Variants in MYH14 observed in about 807,000 individuals in gnomAD.
The protein encoded by MYH14 is myosin-14.
Under a neutral mutation model 255.5 loss-of-function variants are expected in MYH14, and 123 were observed. The ratio of observed to expected loss-of-function variants is 0.48; its 90% CI spans 0.42 to 0.56. MYH14 has a LOEUF of 0.56. MYH14 is among the 20% of genes least tolerant of loss of function. MYH14 has a pLI of 0.00. For missense variants in MYH14, 2,423 were observed against 2,802.3 expected (o/e 0.86, Z 3.06); for synonymous variants, 1,095 against 1,161.2 (o/e 0.94, Z 1.16).
intron 1 of MYH14, among the ~76,000 whole-genome samples, chr19:50,207,271 C>CAGAGAGAGAGAGAGAGAGCG (rs2031838179): frequency 1.3e-5 from 1 of 76,804 alleles, no homozygotes; most frequent in Non-Finnish European, 2.5e-5. Context: ...GAGAGAGAGA[C>CAGAGAGAGAGAGAGAGAGCG]AGAGAGAGAG....
At chr19:50,273,538 G>T (rs2035390954) in intron 27 of MYH14, among the ~76,000 whole-genome samples, 1 of 151,944 alleles carries the variant, frequency 6.6e-6, no homozygotes, top group South Asian at 2.1e-4. Flanking sequence ...TACAAGTACA[G>T]CTCCATTTCG....
intron 11 of MYH14, among the ~76,000 whole-genome samples, chr19:50,246,257 C>T (rs1262872704): frequency 1.3e-5 from 2 of 151,934 alleles, no homozygotes; most frequent in Non-Finnish European, 2.9e-5. Flanking sequence ...CTCCCTGCCT[C>T]AGCCTCCCAA....
rs202242879 is a variant in MYH14, at chr19:50,278,128, G to T, written c.3871G>T (p.Val1291Leu). Reference sequence around the variant, plus strand: ...GACCCGGCTGGCCCTGGAGGCCGAGGTGTCCGAGCTGCGGGCAGAACTGAG... The same window carrying T: ...GACCCGGCTGGCCCTGGAGGCCGAGTTGTCCGAGCTGCGGGCAGAACTGAG... ...EKTRLALEAE[V>L]SELRAELSSL... The change falls in exon 30 of 43, where the codon GTG (valine) becomes TTG (leucine). Residue 1291 changes from valine (V) to leucine (L), a missense_variant. By Grantham distance (32) the Val-to-Leu change is conservative. Coordinates refer to ENST00000642316, the MANE Select transcript of MYH14 (RefSeq NM_001145809.2). The T allele has an allele frequency of 4.7e-4, 757 of 1,602,160 alleles. 10 individuals are homozygous for T. The highest frequency in any genetic ancestry group is 4.3e-3 in the South Asian group (390 of 90,500).
At chr19:50,264,802 G>A (rs1469046119) in intron 22 of MYH14, among the ~76,000 whole-genome samples, 1 of 152,146 alleles carries the variant, frequency 6.6e-6, no homozygotes, top group Non-Finnish European at 1.5e-5. Flanking sequence ...AGTTAGTAGG[G>A]ATCAGATGAG....
chr19:50,300,506 T>G (rs1162628255), intron 39 of MYH14, among the ~76,000 whole-genome samples: 2 of 152,150 alleles, frequency 1.3e-5, no homozygotes, highest in African/African-American at 4.8e-5. Flanking sequence ...CCCAGCACTT[T>G]GGGAGGCTGA....
At chr19:50,229,373 C>T (rs528150700) in intron 8 of MYH14, among the ~76,000 whole-genome samples, 11 of 152,084 alleles carry the variant, frequency 7.2e-5, no homozygotes, top group Admixed American at 6.6e-5. Context: ...TTTGGCTGGG[C>T]GCAGTGGCTC....
chr19:50,297,491 CTTTTTTTTTTT>C (rs869049808), intron 39 of MYH14, among the ~76,000 whole-genome samples: 2 of 74,324 alleles, frequency 2.7e-5, no homozygotes, highest in African/African-American at 1.0e-4. Context: ...CTCATCTCCT[CTTTTTTTTTTT>C]TTTTTTTTTT....
At chr19:50,239,172 G>A (rs1397389010) in intron 10 of MYH14, among the ~76,000 whole-genome samples, 1 of 151,884 alleles carries the variant, frequency 6.6e-6, no homozygotes. Flanking sequence ...GGCATGCGCC[G>A]CCACACCCAG....
rs576764833 is a variant in MYH14, at chr19:50,271,808, C to T, written c.3172-41C>T. The T allele has an allele frequency of 6.1e-5, 99 of 1,610,650 alleles. 1 individual carries two copies. The South Asian group carries it at 1.0e-3, about 17-fold the overall frequency. On this transcript the variant is annotated intron_variant, in intron 25 of 42. Transcript: ENST00000642316. ...GATCAGGTAAGGGCTGCTCCTGGCC[C>T]AACTCCTCCTGACTGCCCCCCATCC...
At chr19:50,218,324 C>T (rs1013280760) in intron 3 of MYH14, among the ~76,000 whole-genome samples, 31 of 150,538 alleles carry the variant, frequency 2.1e-4, no homozygotes, top group Admixed American at 1.6e-3. Flanking sequence ...TGGCCAGGCG[C>T]GGTGGCTCAC....
intron 1 of MYH14, among the ~76,000 whole-genome samples, chr19:50,206,396 T>A (rs13346908): frequency 0.16 from 8,059 of 51,966 alleles, 609 homozygotes; most frequent in East Asian, 0.4. Flanking sequence ...ACAGGGCTGG[T>A]GAGGAAGTGG....
chr19:50,272,712 C>T lies in MYH14; in HGVS notation c.3448C>T (p.Leu1150=). The change falls in exon 27 of 43, where the codon CTG becomes TTG. Residue 1150 remains leucine, a synonymous_variant. Transcript: ENST00000642316. ...RAQLGRKEEE[L]QAALARAEDE... is the part of the protein sequence containing the mutation. Reference sequence around the variant, plus strand: ...CCAGCTGGGCCGGAAGGAGGAGGAGCTGCAGGCTGCCCTGGCCAGGTGCAG... The same window carrying T: ...CCAGCTGGGCCGGAAGGAGGAGGAGTTGCAGGCTGCCCTGGCCAGGTGCAG... 6.4e-7 allele frequency: 1 copy of T among 1,551,104 alleles called. No homozygotes were observed. Among genetic ancestry groups the T allele is most frequent in the Non-Finnish European group, 8.7e-7 (1 of 1,147,726 alleles).
Position 50,226,927 on chromosome 19 carries a change from G to A in MYH14, c.835G>A (p.Asp279Asn). 6.2e-7 allele frequency: 1 copy of A among 1,613,818 alleles called. No homozygotes were observed. Among genetic ancestry groups the A allele is most frequent in the African/African-American group, 1.3e-5 (1 of 74,994 alleles). The stretch of plus-strand genomic sequence containing the variant: ...GGGCAAATTCATCCGCATCAACTTT[G>A]ATGTTGCCGGGTACATCGTGGGCGC... The part of the protein sequence containing the change: ...RFGKFIRINF[D>N]VAGYIVGANI... The change falls in exon 8 of 43, where the codon GAT becomes AAT. Residue 279 changes from aspartate (D) to asparagine (N), a missense_variant. Asp to Asn is a conservative substitution (Grantham distance 23). Around this residue, in one of 3 missense-constraint regions of MYH14, gnomAD observed 672 missense variants for 881.8 expected, o/e 0.76. Coordinates refer to ENST00000642316, the MANE Select transcript of MYH14 (RefSeq NM_001145809.2).
intron 10 of MYH14, among the ~76,000 whole-genome samples, chr19:50,232,779 G>C (rs1290655315): frequency 1.3e-5 from 2 of 151,972 alleles, no homozygotes; most frequent in Non-Finnish European, 2.9e-5. Context: ...TCCTGGCAGA[G>C]GGAACAGCCT....
At chr19:50,278,458 T>G (rs1232318979) in intron 30 of MYH14, among the ~76,000 whole-genome samples, 169 bp downstream of exon 30, 1 of 151,920 alleles carries the variant, frequency 6.6e-6, no homozygotes, top group East Asian at 1.9e-4. Context: ...TTCTAGCACT[T>G]GGGAGGCCAA....
chr19:50,239,619 C>A (rs672265), intron 10 of MYH14, among the ~76,000 whole-genome samples: 2 of 152,124 alleles, frequency 1.3e-5, no homozygotes, highest in African/African-American at 2.4e-5. Flanking sequence ...GCCCGATCTC[C>A]GCTCACTGCA....
rs886054588 is a variant in MYH14 at position 50,217,744 on chromosome 19, G to A, written c.535G>A (p.Glu179Lys). The A allele has an allele frequency of 8.1e-6, 13 of 1,613,742 alleles. 1 individual carries two copies. Among genetic ancestry groups the A allele is most frequent in the African/African-American group, 2.7e-5 (2 of 74,944 alleles). Reference protein sequence around the residue: ...EVPPHVYAVTEGAYRSMLQDR... With the variant: ...EVPPHVYAVTKGAYRSMLQDR... ...GCCACCCCACGTGTACGCAGTGACC[G>A]AGGGGGCCTATCGGAGCATGCTGCA... Residue 179 changes from glutamate (E) to lysine (K), a missense_variant, in exon 3 of 43, where the codon GAG becomes AAG. Physicochemically the swap from Glu to Lys is moderately conservative, Grantham distance 56. Coordinates refer to ENST00000642316, the MANE Select transcript of MYH14 (RefSeq NM_001145809.2).
At chr19:50,267,623 A>AAAAAATAAT (rs138463829) in intron 23 of MYH14, among the ~76,000 whole-genome samples, 4 of 149,146 alleles carry the variant, frequency 2.7e-5, no homozygotes, top group Admixed American at 6.7e-5. Flanking sequence ...TCTGTCTCAA[A>AAAAAATAAT]AATAATAATA....
chr19:50,255,090 G>A (rs758564905), intron 16 of MYH14, 130 bp from the exon 17 acceptor site: 1 of 679,422 alleles, frequency 1.5e-6, no homozygotes, highest in Non-Finnish European at 2.7e-6. Context: ...GCTCTGTACT[G>A]TTGACTAATA....
Sources: gnomAD v4.1 joint callset for allele counts (sites outside exome capture counted in the v4.1 genomes callset) on GRCh38, gnomAD v4.1.1 for gene constraint, gnomAD v4.1.1 regional missense constraint, MANE v1.5 for transcripts, NCBI Gene and HGNC (gene_info 2026-07-23, HGNC 2026-07-21) for gene names.